LCOR: variants seen among roughly 807,000 people sequenced by gnomAD.
The protein encoded by LCOR is ligand dependent nuclear receptor corepressor, also known as ligand-dependent corepressor.
A neutral mutation model predicts 64.4 loss-of-function variants in LCOR; 14 were observed. That is an observed-to-expected ratio of 0.22 (90% confidence interval 0.14 to 0.34). LCOR has a LOEUF of 0.34. LCOR is among the 10% of genes least tolerant of loss of function. LCOR has a pLI of 1.00. For missense variants in LCOR, 1,686 were observed against 1,765.3 expected (o/e 0.96, Z 0.80); for synonymous variants, 643 against 642.5 (o/e 1.00, Z -0.01).
At chr10:96,843,013 C>T (rs1377755777) in intron 2 of LCOR, among the ~76,000 whole-genome samples, 1 of 152,204 alleles carries the variant, frequency 6.6e-6, no homozygotes, top group Non-Finnish European at 1.5e-5. Flanking sequence ...GAGTCATGCA[C>T]AGATTCAGTT....
chr10:96,908,853 C>A (rs1175249946), intron 4 of LCOR, among the ~76,000 whole-genome samples: 1 of 152,006 alleles, frequency 6.6e-6, no homozygotes, highest in African/African-American at 2.4e-5. Context: ...GTAGCTGGGA[C>A]TACAGGCGCC....
chr10:96,856,223 A>G (rs1360919366), intron 2 of LCOR, among the ~76,000 whole-genome samples: 2 of 152,090 alleles, frequency 1.3e-5, no homozygotes, highest in African/African-American at 2.4e-5. Flanking sequence ...GGCATGCGCC[A>G]CCACGCCCGG....
intron 4 of LCOR, among the ~76,000 whole-genome samples, chr10:96,921,845 T>C (rs1483795055): frequency 6.6e-6 from 1 of 152,232 alleles, no homozygotes; most frequent in Non-Finnish European, 1.5e-5. Context: ...TGAATCGTGT[T>C]GGTACCCTTG....
intron 7 of LCOR, among the ~76,000 whole-genome samples, chr10:96,967,386 C>A (rs1423021212): frequency 6.6e-6 from 1 of 152,176 alleles, no homozygotes; most frequent in Non-Finnish European, 1.5e-5. Context: ...CCTACCTTGG[C>A]CTCCCAAAGT....
intron 4 of LCOR, among the ~76,000 whole-genome samples, chr10:96,916,621 A>T (rs1394240020): frequency 6.7e-6 from 1 of 150,104 alleles, no homozygotes; most frequent in Non-Finnish European, 1.5e-5. Context: ...ATATATGATT[A>T]TTTATTTTTT....
intron 2 of LCOR, among the ~76,000 whole-genome samples, chr10:96,847,366 A>T (rs1845647172): frequency 6.6e-6 from 1 of 151,346 alleles, no homozygotes; most frequent in African/African-American, 2.4e-5. Flanking sequence ...AAAAAAAAGC[A>T]CACGGTAACA....
intron 2 of LCOR, among the ~76,000 whole-genome samples, chr10:96,847,113 C>T (rs1336721103): frequency 6.6e-6 from 1 of 151,864 alleles, no homozygotes; most frequent in Non-Finnish European, 1.5e-5. Context: ...TGCGGTATTG[C>T]GAGCCTGTTG....
intron 4 of LCOR, among the ~76,000 whole-genome samples, chr10:96,936,504 T>C (rs1354264166): frequency 6.6e-6 from 1 of 152,102 alleles, no homozygotes; most frequent in African/African-American, 2.4e-5. Flanking sequence ...TCAAGAAAAA[T>C]AGAAGACTCA....
chr10:96,960,691 A>G (rs1847865142), intron 7 of LCOR: 2 of 152,180 alleles, frequency 1.3e-5, no homozygotes, highest in Non-Finnish European at 1.5e-5. Context: ...TCAGGCTAGC[A>G]TTACTAAAAA....
intron 4 of LCOR, among the ~76,000 whole-genome samples, chr10:96,935,072 G>C (rs187218412): frequency 2.7e-5 from 4 of 148,224 alleles, no homozygotes; most frequent in Non-Finnish European, 4.5e-5. Context: ...TATTATTTTA[G>C]AATTCAGCTG....
intron 4 of LCOR, among the ~76,000 whole-genome samples, chr10:96,943,364 T>G (rs1259171281): frequency 6.6e-6 from 1 of 152,244 alleles, no homozygotes; most frequent in Non-Finnish European, 1.5e-5. Flanking sequence ...CCCTAAGTGC[T>G]GGGATTACAG....
At chr10:96,920,402 GTGTATATATGTATA>G (rs1847027848) in intron 4 of LCOR, among the ~76,000 whole-genome samples, 2 of 144,970 alleles carry the variant, frequency 1.4e-5, no homozygotes, top group African/African-American at 5.2e-5. Context: ...GTGTATATAT[GTGTATATATGTATA>G]TATATTCATA....
chr10:96,919,462 A>G (rs1847011069), intron 4 of LCOR, among the ~76,000 whole-genome samples: 1 of 151,544 alleles, frequency 6.6e-6, no homozygotes, highest in Non-Finnish European at 1.5e-5. Flanking sequence ...TTTTGAAATT[A>G]TTTGCATTTT....
intron 2 of LCOR, among the ~76,000 whole-genome samples, chr10:96,906,735 C>CT (rs564355784): frequency 7.2e-4 from 109 of 152,184 alleles, no homozygotes; most frequent in African/African-American, 2.5e-3. Context: ...ATGTTAAATA[C>CT]TTACAAAAGT....
intron 7 of LCOR, among the ~76,000 whole-genome samples, chr10:96,966,849 C>T (rs1847955621): frequency 6.6e-6 from 1 of 152,208 alleles, no homozygotes; most frequent in Admixed American, 6.5e-5. Flanking sequence ...GATCCTCCCA[C>T]CTCAGCCTCC....
intron 4 of LCOR, among the ~76,000 whole-genome samples, chr10:96,913,591 G>T (rs1334130960): frequency 6.6e-6 from 1 of 152,194 alleles, no homozygotes; most frequent in East Asian, 1.9e-4. Flanking sequence ...AGTAAGTTTA[G>T]TATTTGATTG....
chr10:96,867,659 C>T (rs1055082145), intron 2 of LCOR, among the ~76,000 whole-genome samples: 5 of 151,886 alleles, frequency 3.3e-5, no homozygotes, highest in Non-Finnish European at 7.4e-5. Flanking sequence ...GAGGCCAAGG[C>T]GGGAAGGCGG....
At chr10:96,922,639 T>C (rs1847099885) in intron 4 of LCOR, among the ~76,000 whole-genome samples, 1 of 152,208 alleles carries the variant, frequency 6.6e-6, no homozygotes, top group Admixed American at 6.5e-5. Context: ...TTCCAACCAA[T>C]AGAGGCATAA....
chr10:96,929,880 G>A (rs1231280511), intron 4 of LCOR, among the ~76,000 whole-genome samples: 5 of 152,176 alleles, frequency 3.3e-5, no homozygotes, highest in East Asian at 1.9e-4. Flanking sequence ...ATAGGAGGTC[G>A]AAGGAGAGGG....
Sources: allele counts gnomAD v4.1 joint callset (sites outside exome capture counted in the v4.1 genomes callset), GRCh38; gene constraint gnomAD v4.1.1; transcripts MANE v1.5; gene names NCBI Gene and HGNC (gene_info 2026-07-23, HGNC 2026-07-21).